The following DSC2 variants were observed in gnomAD, a reference collection of about 807,000 sequenced individuals.
DSC2 encodes the protein desmocollin-2.
In DSC2, 51 loss-of-function variants were observed where a neutral mutation model predicts 87.6. The ratio of observed to expected loss-of-function variants is 0.58; its 90% CI spans 0.46 to 0.74. The LOEUF is 0.74. Ranked by LOEUF, DSC2 falls within the 30% of genes least tolerant of loss-of-function variation. DSC2 has a pLI of 0.00. For synonymous variants in DSC2, 383 were observed against 393.2 expected (o/e 0.97, Z 0.31); for missense variants, 1,066 against 1,089.5 (o/e 0.98, Z 0.30).
rs1432185135 is a variant in DSC2, at chr18:31,079,875, A to G, written c.1635T>C (p.Tyr545=). The G allele has an allele frequency of 5.6e-6, 9 of 1,613,872 alleles. No homozygotes were observed. The highest frequency in any genetic ancestry group is 7.6e-6 in the Non-Finnish European group (9 of 1,179,946). ...REAETIKNGI[Y]NITVLASDQG... ...GGTCTGATGCAAGGACTGTAATATT[A>G]TATATGCCATTTTTGATGGTCTCTG... The change falls in exon 11 of 16, where the codon TAT becomes TAC. Residue 545 remains tyrosine, a synonymous_variant. Transcript: ENST00000280904.
intron 1 of DSC2, 69 bp downstream of exon 1, chr18:31,101,834 C>A: frequency 2.6e-6 from 3 of 1,168,270 alleles, no homozygotes; most frequent in Non-Finnish European, 3.5e-6. Context: ...TATCCCCGTT[C>A]CCCTAGTTTT....
In DSC2 at chr18:31,074,768, C is replaced by T. The variant is rs1288832288; in HGVS notation, c.1803G>A (p.Glu601=). 31 of 1,614,016 alleles carry T rather than the reference C, an allele frequency of 1.9e-5. No homozygotes were observed. The highest frequency in any genetic ancestry group is 2.5e-5 in the Non-Finnish European group (29 of 1,179,998). Residue 601 remains glutamate (E), a synonymous_variant, in exon 12 of 16, where the codon GAG becomes GAA. Coordinates refer to ENST00000280904, the MANE Select transcript of DSC2 (RefSeq NM_024422.6). ...SAEIVAVDPD[E]PIHGPPFDFS... is the part of the protein sequence containing the mutation. ...AGTCAAAGGGTGGGCCATGGATAGG[C>T]TCATCAGGATCAACCGCAACAATCT...
rs554667502 is a variant in DSC2 at position 31,084,671 on chromosome 18, T to G, written c.943-1611A>C. ...ACAAGCTGTTGAGTTTTTGCTTTTT[T>G]TTTTTTTCCATAGAATGCTATTTTC... On this transcript the variant is annotated intron_variant, in intron 7 of 15. Coordinates refer to ENST00000280904, the MANE Select transcript of DSC2 (RefSeq NM_024422.6). 6.0e-4 allele frequency among the ~76,000 whole-genome samples: 92 copies of G among 152,076 alleles called. No homozygotes were observed. The East Asian group carries it at 0.012, about 19-fold the overall frequency.
rs1986676899 is a variant in DSC2, at chr18:31,067,864, C to T, written c.*151G>A. Reference sequence around the variant, plus strand: ...TTGTGTACTTGTTTATAGTGTCTCTCTGTAAATGTGCATTTGACCAAAGAG... The same window carrying T: ...TTGTGTACTTGTTTATAGTGTCTCTTTGTAAATGTGCATTTGACCAAAGAG... On this transcript the variant is annotated 3_prime_UTR_variant, in exon 16 of 16. Coordinates refer to ENST00000280904, the MANE Select transcript of DSC2 (RefSeq NM_024422.6). 2 of 717,074 alleles carry T rather than the reference C, an allele frequency of 2.8e-6. No individual in the cohort carries two copies. The highest frequency in any genetic ancestry group is 3.6e-5 in the African/African-American group (2 of 56,010). The allele number at this position is 717,074 out of a possible 1,614,324, so 44.4% of individuals were successfully genotyped here. A position where few individuals can be genotyped will look rare whatever the true frequency, so the allele number is the denominator to read the frequency against.
rs1986550988 is a variant in DSC2, at chr18:31,063,817, G to T, written c.*4198C>A. On this transcript the variant is annotated 3_prime_UTR_variant, in exon 16 of 16. Transcript: ENST00000280904. ...TTTGTAATATTTTCAATTTACCATG[G>T]GTTTATCAGGATGTAACCCCATCAT... 1 of 152,128 alleles carries T rather than the reference G, an allele frequency of 6.6e-6. No homozygotes were observed. The highest frequency in any genetic ancestry group is 1.5e-5 in the Non-Finnish European group (1 of 68,026). 9.4% of individuals were successfully genotyped at this position (152,128 alleles called of 1,614,324 possible). A position where few individuals can be genotyped will look rare whatever the true frequency, so the allele number is the denominator to read the frequency against.
Position 31,067,788 on chromosome 18 carries a change from C to A in DSC2, c.*227G>T. Reference sequence around the variant, plus strand: ...AGGCAGACTTTAATTTCTCTGTAGACCTCCTTGGATAGAAGATAAGTAATT... The same window carrying A: ...AGGCAGACTTTAATTTCTCTGTAGAACTCCTTGGATAGAAGATAAGTAATT... On this transcript the variant is annotated 3_prime_UTR_variant, in exon 16 of 16. Transcript: ENST00000280904. 1 of 497,266 alleles carries A rather than the reference C, an allele frequency of 2.0e-6. No individual in the cohort carries two copies. 30.8% of individuals were successfully genotyped at this position (497,266 alleles called of 1,614,324 possible). A position where few individuals can be genotyped will look rare whatever the true frequency, so the allele number is the denominator to read the frequency against.
intron 6 of DSC2, 55 bp downstream of exon 6, chr18:31,087,614 A>C: frequency 6.3e-7 from 1 of 1,575,114 alleles, no homozygotes; most frequent in South Asian, 1.1e-5. Context: ...GTGAAACTAA[A>C]TGTATGAATT....
chr18:31,070,343 T>C (rs1235885428), intron 14 of DSC2, among the ~76,000 whole-genome samples: 1 of 152,222 alleles, frequency 6.6e-6, no homozygotes, highest in African/African-American at 2.4e-5. Flanking sequence ...TCAAGGCTTG[T>C]AGTGATTTTA....
At chr18:31,101,206 T>A (rs1339066667) in intron 1 of DSC2, 1 of 984,368 alleles carries the variant, frequency 1.0e-6, no homozygotes, top group Non-Finnish European at 1.2e-6. Flanking sequence ...CCACTGAAAC[T>A]GTACAAATGC....
rs1986618227 is a variant in DSC2, at chr18:31,066,341, G to A, written c.*1674C>T. 1 of 152,082 alleles carries A rather than the reference G, an allele frequency of 6.6e-6. No homozygotes were observed. Among genetic ancestry groups the A allele is most frequent in the Non-Finnish European group, 1.5e-5 (1 of 68,006 alleles). The allele number at this position is 152,082 out of a possible 1,614,324, so 9.4% of individuals were successfully genotyped here. On this transcript the variant is annotated 3_prime_UTR_variant, in exon 16 of 16. Transcript: ENST00000280904. ...TCCCTTAAACTCATATCAGACCTGT[G>A]ATGAACAAACTCACACTAAGTTTTA...
chr18:31,090,983 G>C lies in DSC2; in HGVS notation c.474+45C>G, dbSNP rs149188953. 0.011 allele frequency: 17,282 copies of C among 1,612,980 alleles called. 121 individuals carry two copies. The highest frequency in any genetic ancestry group is 0.013 in the Non-Finnish European group (14,899 of 1,179,200). On this transcript the variant is annotated intron_variant, in intron 4 of 15. Coordinates refer to ENST00000280904, the MANE Select transcript of DSC2 (RefSeq NM_024422.6). ...CATACTCAGTGTCATAATGGTAAGA[G>C]ATGGAAACTATAGACTCCCACAGCA... is the stretch of plus-strand genomic sequence containing the variant.
intron 11 of DSC2, among the ~76,000 whole-genome samples, chr18:31,077,778 AT>A (rs1987072151): frequency 6.6e-6 from 1 of 152,182 alleles, no homozygotes; most frequent in African/African-American, 2.4e-5. Context: ...TATGTGCATG[AT>A]GCTCTTCAGT....
rs920017834 is a variant in DSC2 at position 31,098,261 on chromosome 18, T to C, written c.69+3642A>G. ...TAACAATTTATTACGTTTTCTTCTA[T>C]TATCTGTAGGGAAACATATTTTACA... is the stretch of plus-strand genomic sequence containing the variant. On this transcript the variant is annotated intron_variant, in intron 1 of 15. Transcript: ENST00000280904. Among the ~76,000 whole-genome samples the C allele has an allele frequency of 2.6e-5, 4 of 152,314 alleles. No individual in the cohort carries two copies. The East Asian group carries it at 5.8e-4, about 22-fold the overall frequency.
At chr18:31,079,045 T>C (rs1040131220) in intron 11 of DSC2, among the ~76,000 whole-genome samples, 2 of 152,156 alleles carry the variant, frequency 1.3e-5, no homozygotes, top group African/African-American at 4.8e-5. Flanking sequence ...TTTATTTTTA[T>C]ATAATGTCTT....
In DSC2 at chr18:31,086,588, C is replaced by G. The variant is rs1171743545; in HGVS notation, c.930G>C (p.Gln310His). ...TTGVITTTSS[Q>H]LDRELIDKYQ... ...ATGTTTATGTTACCTCTCTGTCTAG[C>G]TGAGATGATGTTGTGGTGATCACGC... The change falls in exon 7 of 16, where the codon CAG becomes CAC. Residue 310 changes from glutamine to histidine, a missense_variant. Coordinates refer to ENST00000280904, the MANE Select transcript of DSC2 (RefSeq NM_024422.6). The G allele has an allele frequency of 6.2e-7, 1 of 1,614,058 alleles. No homozygotes were observed. Among genetic ancestry groups the G allele is most frequent in the Non-Finnish European group, 8.5e-7 (1 of 1,179,976 alleles).
intron 9 of DSC2, among the ~76,000 whole-genome samples, chr18:31,081,955 TG>T (rs951341426): frequency 1.3e-5 from 2 of 152,180 alleles, no homozygotes; most frequent in African/African-American, 4.8e-5. Flanking sequence ...AGTCTGGCAC[TG>T]TCCCAGGGGC....
intron 11 of DSC2, among the ~76,000 whole-genome samples, chr18:31,075,312 T>C (rs1986979080): frequency 6.6e-6 from 1 of 152,134 alleles, no homozygotes; most frequent in African/African-American, 2.4e-5. Context: ...GAAACTGACA[T>C]GGAAGCAGGA....
chr18:31,075,751 G>C (rs1271852825), intron 11 of DSC2, among the ~76,000 whole-genome samples: 1 of 152,160 alleles, frequency 6.6e-6, no homozygotes, highest in Non-Finnish European at 1.5e-5. Context: ...TCGGGAGGTT[G>C]AGGCAAGAGA....
At chr18:31,074,420 AATGTGTGTGTG>A (rs1986935074) in intron 12 of DSC2, among the ~76,000 whole-genome samples, 5 of 108,554 alleles carry the variant, frequency 4.6e-5, no homozygotes, top group African/African-American at 1.5e-4. Flanking sequence ...AAAGAGAAAA[AATGTGTGTGTG>A]TGTGTGTGTG....
Sources: gnomAD v4.1 joint callset for allele counts (sites outside exome capture counted in the v4.1 genomes callset) on GRCh38, gnomAD v4.1.1 for gene constraint, MANE v1.5 for transcripts, NCBI Gene and HGNC (gene_info 2026-07-23, HGNC 2026-07-21) for gene names.